Variants in CDK12 observed in about 807,000 individuals in gnomAD.
The protein encoded by CDK12 is cyclin-dependent kinase 12.
CDK12 carries 17 observed loss-of-function variants against 133.8 expected under a neutral mutation model. The ratio of observed to expected loss-of-function variants is 0.13; its 90% CI spans 0.09 to 0.19. The LOEUF (loss-of-function observed/expected upper bound fraction) is 0.19. Ranked by LOEUF, CDK12 falls within the 10% of genes least tolerant of loss-of-function variation. The pLI, the probability that CDK12 is intolerant of heterozygous loss-of-function variation, is 1.00. For missense variants in CDK12, 1,508 were observed against 1,818.7 expected (o/e 0.83, Z 3.11); for synonymous variants, 694 against 683.6 (o/e 1.02, Z -0.24).
At chr17:39,466,598 A>G (rs918972381) in intron 1 of CDK12, among the ~76,000 whole-genome samples, 23 of 123,008 alleles carry the variant, frequency 1.9e-4, no homozygotes, top group Non-Finnish European at 2.9e-4. Flanking sequence ...CTGGGCAACA[A>G]GAGTGAAACT....
rs2145823833 is a variant in CDK12 at position 39,490,670 on chromosome 17, C to T, written c.2045C>T (p.Pro682Leu). The T allele has an allele frequency of 1.2e-6, 2 of 1,613,660 alleles. No homozygotes were observed. The highest frequency in any genetic ancestry group is 1.3e-5 in the African/African-American group (1 of 74,942). The change falls in exon 3 of 14, where the codon CCC becomes CTC. Residue 682 changes from proline to leucine, a missense_variant. Pro to Leu is a moderately conservative substitution (Grantham distance 98). This residue lies in a region of CDK12 where 347 missense variants were observed against 330.8 expected (regional missense o/e 1.05). Coordinates refer to ENST00000447079, the MANE Select transcript of CDK12 (RefSeq NM_016507.4). The stretch of plus-strand genomic sequence containing the variant: ...GAGCTCCCTGGTGGAGATCTGTCTC[C>T]CCCAGACTCTCCAGAACCAAAGGCA... The part of the protein sequence containing the change: ...PPELPGGDLS[P>L]PDSPEPKAIT...
chr17:39,500,235 G>A (rs544802066), intron 5 of CDK12, among the ~76,000 whole-genome samples: 1 of 152,276 alleles, frequency 6.6e-6, no homozygotes, highest in African/African-American at 2.4e-5. Context: ...AGAGGCTGAG[G>A]CGGAAGATTC....
chr17:39,473,751 G>A (rs1432968382), intron 2 of CDK12, among the ~76,000 whole-genome samples: 1 of 152,256 alleles, frequency 6.6e-6, no homozygotes, highest in South Asian at 2.1e-4. Context: ...TGGGCGTGGT[G>A]GCGGTTGCCT....
At position 39,533,227 on chromosome 17, in the gene CDK12, A is replaced by G. The variant is rs1234466511; in HGVS notation, c.*1911A>G. 4.3e-6 allele frequency: 1 copy of G among 233,012 alleles called. No individual in the cohort carries two copies. Among genetic ancestry groups the G allele is most frequent in the Non-Finnish European group, 8.5e-6 (1 of 117,884 alleles). The allele number at this position is 233,012 out of a possible 1,614,324, so 14.4% of individuals were successfully genotyped here. A position where few individuals can be genotyped will look rare whatever the true frequency, so the allele number is the denominator to read the frequency against. On this transcript the variant is annotated 3_prime_UTR_variant, in exon 14 of 14. Transcript: ENST00000447079. ...TTGATCTGGCCTTGCCTCCAGGGCC[A>G]AACACTGATTTAGAAAGAGAGCCTT... is the stretch of plus-strand genomic sequence containing the variant.
chr17:39,528,518 A>G (rs553700383), intron 13 of CDK12, among the ~76,000 whole-genome samples: 4 of 151,852 alleles, frequency 2.6e-5, no homozygotes, highest in Non-Finnish European at 5.9e-5. Context: ...TATTTTTAGT[A>G]GAGACGGGGT....
chr17:39,562,902 CTTTTTTTTTTTT>C, intron 3 of CDK12, among the ~76,000 whole-genome samples: 1 of 92,386 alleles, frequency 1.1e-5, no homozygotes, highest in African/African-American at 3.8e-5. Flanking sequence ...TTTTTCTTTT[CTTTTTTTTTTTT>C]TTTTTTTTTT....
At chr17:39,557,888 G>A (rs2056219792) in intron 3 of CDK12, among the ~76,000 whole-genome samples, 1 of 152,134 alleles carries the variant, frequency 6.6e-6, no homozygotes, top group African/African-American at 2.4e-5. Context: ...GTGCTACCTT[G>A]GTAATTCACT....
chr17:39,520,950 C>T (rs1052704103), intron 11 of CDK12, among the ~76,000 whole-genome samples: 6 of 152,244 alleles, frequency 3.9e-5, no homozygotes, highest in Middle Eastern at 3.4e-3. Flanking sequence ...CAGGTTCAAG[C>T]GATTCACCTG....
intron 4 of CDK12, among the ~76,000 whole-genome samples, chr17:39,493,160 A>AT (rs1311630248): frequency 3.8e-4 from 32 of 84,314 alleles, no homozygotes; most frequent in East Asian, 2.5e-3. Flanking sequence ...CACTCGACTA[A>AT]TTTTTGTTTT....
chr17:39,560,061 T>G (rs2056321572), intron 3 of CDK12, among the ~76,000 whole-genome samples: 1 of 152,148 alleles, frequency 6.6e-6, no homozygotes, highest in Non-Finnish European at 1.5e-5. Context: ...ACTCTCAAGT[T>G]GCTGAGACTA....
rs753688465 is a variant in CDK12 at position 39,531,195 on chromosome 17, G to T, written c.4352G>T (p.Ser1451Ile). The change falls in exon 14 of 14, where the codon AGC (serine) becomes ATC (isoleucine). Residue 1451 changes from serine to isoleucine, a missense_variant. Physicochemically the swap from Ser to Ile is moderately radical, Grantham distance 142. Around this residue, in one of 9 missense-constraint regions of CDK12, gnomAD observed 114 missense variants for 101.2 expected, o/e 1.13. Coordinates refer to ENST00000447079, the MANE Select transcript of CDK12 (RefSeq NM_016507.4). ...CTGGGGCCAGGAACCACTGGGGCCA[G>T]CAGCTCAGGAGCAGGCCTTCACTGG... ...GELGPGTTGA[S>I]SSGAGLHWGG... The T allele has an allele frequency of 2.6e-6, 4 of 1,521,178 alleles. No homozygotes were observed. The highest frequency in any genetic ancestry group is 3.5e-6 in the Non-Finnish European group (4 of 1,136,342). 94.2% of individuals were successfully genotyped at this position (1,521,178 alleles called of 1,614,324 possible).
chr17:39,490,469 T>G (rs1207871925), intron 2 of CDK12, 88 bp from the exon 3 acceptor site: 1 of 864,182 alleles, frequency 1.2e-6, no homozygotes, highest in Non-Finnish European at 1.7e-6. Context: ...TTTCTAACCT[T>G]TTCGTAACCA....
intron 6 of CDK12, among the ~76,000 whole-genome samples, chr17:39,503,442 A>G (rs2052873912): frequency 6.6e-6 from 1 of 152,202 alleles, no homozygotes; most frequent in South Asian, 2.1e-4. Flanking sequence ...GGGTGACTCT[A>G]CATCTATAGT....
chr17:39,463,839 G>A (rs2049114305), intron 1 of CDK12, among the ~76,000 whole-genome samples: 1 of 151,620 alleles, frequency 6.6e-6, no homozygotes. Context: ...ATATTTTTGC[G>A]AGAAAGGCAT....
At chr17:39,556,010 G>T (rs1268735081) in intron 2 of CDK12, among the ~76,000 whole-genome samples, 18 of 149,764 alleles carry the variant, frequency 1.2e-4, no homozygotes, top group Non-Finnish European at 2.2e-4. Flanking sequence ...CTCCAGCCTG[G>T]GTAACAGAGT....
intron 3 of CDK12, among the ~76,000 whole-genome samples, chr17:39,562,454 G>A (rs2144622713): frequency 6.6e-6 from 1 of 152,188 alleles, no homozygotes; most frequent in African/African-American, 2.4e-5. Flanking sequence ...AAGATGGTGA[G>A]GAAATCTCAA....
intron 10 of CDK12, among the ~76,000 whole-genome samples, chr17:39,518,814 C>T (rs2053976993): frequency 6.6e-6 from 1 of 152,034 alleles, no homozygotes; most frequent in African/African-American, 2.4e-5. Flanking sequence ...CCACCTCAGC[C>T]TCCCAAAGAG....
intron 3 of CDK12, among the ~76,000 whole-genome samples, chr17:39,563,847 C>G (rs995709661): frequency 1.3e-5 from 2 of 152,184 alleles, no homozygotes; most frequent in African/African-American, 4.8e-5. Context: ...TCTTCTAACA[C>G]TCTGCTTGTG....
intron 5 of CDK12, 140 bp downstream of exon 5, chr17:39,494,834 A>C: frequency 1.6e-6 from 1 of 620,176 alleles, no homozygotes; most frequent in South Asian, 2.1e-5. Flanking sequence ...CAGTGGTGCG[A>C]TTTCAGGTCA....
Sources: allele counts gnomAD v4.1 joint callset (sites outside exome capture counted in the v4.1 genomes callset), GRCh38; gene constraint gnomAD v4.1.1; regional missense constraint gnomAD v4.1.1; transcripts MANE v1.5; gene names NCBI Gene and HGNC (gene_info 2026-07-23, HGNC 2026-07-21).